Variants in SDCCAG8 observed in about 807,000 individuals in gnomAD.
The protein encoded by SDCCAG8 is SHH signaling and ciliogenesis regulator SDCCAG8, also known as serologically defined colon cancer antigen 8.
A neutral mutation model predicts 101.8 loss-of-function variants in SDCCAG8; 74 were observed. The ratio of observed to expected loss-of-function variants is 0.73; its 90% confidence interval spans 0.60 to 0.88. The LOEUF (loss-of-function observed/expected upper bound fraction) is 0.88. SDCCAG8 is among the 40% of genes least tolerant of loss of function. The pLI, the probability that SDCCAG8 is intolerant of heterozygous loss-of-function variation, is 0.00. For missense variants in SDCCAG8, 787 were observed against 822.6 expected (o/e 0.96, Z 0.53); for synonymous variants, 281 against 292.9 (o/e 0.96, Z 0.41).
At chr1:243,407,100 G>A (rs535810648) in intron 13 of SDCCAG8, among the ~76,000 whole-genome samples, 79 of 152,190 alleles carry the variant, frequency 5.2e-4, no homozygotes, top group African/African-American at 1.7e-3. Context: ...TGAGGCCAGG[G>A]TCTACATCTT....
At chr1:243,476,001 C>T in intron 16 of SDCCAG8, 1 of 985,496 alleles carries the variant, frequency 1.0e-6, no homozygotes. Context: ...AGCCCTCCAG[C>T]AGGCCTAATC....
At chr1:243,370,342 ATGGCCTGATATTT>A (rs2077219060) in intron 12 of SDCCAG8, among the ~76,000 whole-genome samples, 1 of 152,148 alleles carries the variant, frequency 6.6e-6, no homozygotes. Context: ...GATTTAATGA[ATGGCCTGATATTT>A]TGTCTATGAT....
chr1:243,343,548 A>C (rs2075510701), intron 11 of SDCCAG8, among the ~76,000 whole-genome samples: 1 of 152,232 alleles, frequency 6.6e-6, no homozygotes, highest in Admixed American at 6.5e-5. Context: ...CAATTATTTC[A>C]TTTAAATGCA....
chr1:243,428,351 A>G (rs1275347740), intron 16 of SDCCAG8, among the ~76,000 whole-genome samples: 2 of 152,248 alleles, frequency 1.3e-5, no homozygotes, highest in African/African-American at 2.4e-5. Context: ...CAAAGTAGAT[A>G]TAGTTCCCAC....
intron 12 of SDCCAG8, among the ~76,000 whole-genome samples, chr1:243,364,868 TA>T (rs549022064): frequency 3.3e-5 from 5 of 151,060 alleles, no homozygotes; most frequent in East Asian, 3.9e-4. Flanking sequence ...AGATGCTGCT[TA>T]AAAAAAAAGA....
intron 16 of SDCCAG8, among the ~76,000 whole-genome samples, chr1:243,431,025 C>T (rs1211298991): frequency 2.6e-5 from 4 of 151,842 alleles, no homozygotes; most frequent in Non-Finnish European, 5.9e-5. Flanking sequence ...GGTGAAACCC[C>T]GTCTCTACCA....
intron 12 of SDCCAG8, among the ~76,000 whole-genome samples, chr1:243,359,954 A>G (rs1289491210): frequency 6.6e-6 from 1 of 152,038 alleles, no homozygotes; most frequent in Non-Finnish European, 1.5e-5. Flanking sequence ...AGTCTTTTTT[A>G]TATTTAGTTG....
rs185696774 is a variant in SDCCAG8, at chr1:243,422,098, A to G, written c.1853+4022A>G. Among the ~76,000 whole-genome samples, 120 of 152,266 alleles carry G rather than the reference A, an allele frequency of 7.9e-4. 1 individual carries two copies. The highest frequency in any genetic ancestry group is 2.9e-3 in the African/African-American group (119 of 41,548). ...AGCTTCCACCTCTTGCACACTGAAA[A>G]GAACAGGATAGAGCATAGAACCAGG... On this transcript the variant is annotated intron_variant, in intron 15 of 17. Transcript: ENST00000366541.
intron 13 of SDCCAG8, among the ~76,000 whole-genome samples, chr1:243,405,934 TAATAGAATAG>T (rs938995573): frequency 1.3e-5 from 2 of 151,468 alleles, no homozygotes; most frequent in Non-Finnish European, 2.9e-5. Context: ...AATAATAGAA[TAATAGAATAG>T]AATAGAATAG....
intron 16 of SDCCAG8, among the ~76,000 whole-genome samples, chr1:243,479,450 G>A (rs1276967279): frequency 6.6e-6 from 1 of 152,236 alleles, no homozygotes; most frequent in Admixed American, 6.5e-5. Context: ...AAACGTGAAT[G>A]AATGGGCATG....
rs1257340601 is a variant in SDCCAG8 at position 243,291,281 on chromosome 1, T to C, written c.547-1810T>C. The stretch of plus-strand genomic sequence containing the variant: ...ATTGGGCTGCTTACTACATTGAATG[T>C]TGAGAGGGTGACAGAGGTTGCAACT... On this transcript the variant is annotated intron_variant, in intron 5 of 17. Transcript: ENST00000366541. Among the ~76,000 whole-genome samples the C allele has an allele frequency of 1.2e-4, 18 of 152,348 alleles. No individual in the cohort carries two copies. In the East Asian group the frequency reaches 2.7e-3, roughly 23 times the overall value.
At chr1:243,286,647 C>T (rs1572976456) in intron 5 of SDCCAG8, among the ~76,000 whole-genome samples, 1 of 152,276 alleles carries the variant, frequency 6.6e-6, no homozygotes, top group African/African-American at 2.4e-5. Flanking sequence ...ATGGAAAGAG[C>T]CGGTCTGAAA....
chr1:243,313,111 A>G (rs142488141), intron 8 of SDCCAG8, among the ~76,000 whole-genome samples: 129 of 152,332 alleles, frequency 8.5e-4, no homozygotes, highest in African/African-American at 2.9e-3. Context: ...GCTTTAGTCC[A>G]GCTTGTGATT....
At chr1:243,364,863 C>T (rs1174038354) in intron 12 of SDCCAG8, among the ~76,000 whole-genome samples, 1 of 151,220 alleles carries the variant, frequency 6.6e-6, no homozygotes, top group Non-Finnish European at 1.5e-5. Context: ...CTTTAAGATG[C>T]TGCTTAAAAA....
At chr1:243,375,297 C>T (rs2077535753) in intron 12 of SDCCAG8, among the ~76,000 whole-genome samples, 1 of 152,026 alleles carries the variant, frequency 6.6e-6, no homozygotes, top group Non-Finnish European at 1.5e-5. Context: ...GGTTTGAAAT[C>T]GGGGAGGTAG....
At chr1:243,495,948 G>C (rs1463558941) in intron 17 of SDCCAG8, among the ~76,000 whole-genome samples, 1 of 152,176 alleles carries the variant, frequency 6.6e-6, no homozygotes, top group Non-Finnish European at 1.5e-5. Context: ...TCGAATCTCA[G>C]CTCTGCGTTG....
intron 7 of SDCCAG8, 97 bp from the exon 8 acceptor site, chr1:243,307,892 C>G (rs1335052463): frequency 6.3e-7 from 1 of 1,587,992 alleles, no homozygotes; most frequent in African/African-American, 1.3e-5. Flanking sequence ...AGGTGAGTAC[C>G]CATAAACGAT....
At position 243,447,122 on chromosome 1, in the gene SDCCAG8, G is replaced by A. The variant is rs535514640; in HGVS notation, c.1985+20564G>A. Among the ~76,000 whole-genome samples, 6 of 151,818 alleles carry A rather than the reference G, an allele frequency of 4.0e-5. 1 individual carries two copies. The highest frequency in any genetic ancestry group is 1.2e-4 in the African/African-American group (5 of 41,384). On this transcript the variant is annotated intron_variant, in intron 16 of 17. Coordinates refer to ENST00000366541, the MANE Select transcript of SDCCAG8 (RefSeq NM_006642.5). The stretch of plus-strand genomic sequence containing the variant: ...CAAAAATTAGCCAGGCACAGTGGCC[G>A]TGTCTGTAATCCCAGCTACTCCAGA...
intron 16 of SDCCAG8, among the ~76,000 whole-genome samples, chr1:243,482,780 G>A (rs1213351518): frequency 6.6e-6 from 1 of 152,218 alleles, no homozygotes; most frequent in Non-Finnish European, 1.5e-5. Flanking sequence ...ACAGCACAGT[G>A]AAGATAGCAA....
Sources: gnomAD v4.1 joint callset for allele counts (sites outside exome capture counted in the v4.1 genomes callset) on GRCh38, gnomAD v4.1.1 for gene constraint, MANE v1.5 for transcripts, NCBI Gene and HGNC (gene_info 2026-07-23, HGNC 2026-07-21) for gene names.